Variants in ATF7IP observed in about 807,000 individuals in gnomAD.
The protein encoded by ATF7IP is activating transcription factor 7-interacting protein 1.
Under a neutral mutation model 106.4 loss-of-function variants are expected in ATF7IP, and 23 were observed. The ratio of observed to expected loss-of-function variants is 0.22; its 90% CI spans 0.16 to 0.31. The LOEUF is 0.31. Ranked by LOEUF, ATF7IP falls within the 10% of genes least tolerant of loss-of-function variation. ATF7IP has a pLI of 1.00. For missense variants in ATF7IP, 1,334 were observed against 1,524.3 expected, an observed-to-expected ratio of 0.88 and a Z score of 2.08; for synonymous variants, 542 against 539.0, an observed-to-expected ratio of 1.01 and a Z score of -0.08.
chr12:14,493,321 C>A (rs1249649786), intron 13 of ATF7IP, among the ~76,000 whole-genome samples: 1 of 152,164 alleles, frequency 6.6e-6, no homozygotes, highest in African/African-American at 2.4e-5. Context: ...GTGTAGCATA[C>A]CTCCTTATAG....
intron 5 of ATF7IP, among the ~76,000 whole-genome samples, chr12:14,441,856 T>A (rs1942727406): frequency 6.6e-6 from 1 of 152,138 alleles, no homozygotes; most frequent in Non-Finnish European, 1.5e-5. Context: ...ATTGCAAATA[T>A]TTTCTCCCGT....
At position 14,498,034 on chromosome 12, in the gene ATF7IP, T is replaced by C. The variant is rs1306068098; in HGVS notation, c.3774T>C (p.Pro1258=). 1 of 1,611,976 alleles carries C rather than the reference T, an allele frequency of 6.2e-7. No homozygotes were observed. Among genetic ancestry groups the C allele is most frequent in the East Asian group, 2.2e-5 (1 of 44,814 alleles). Residue 1258 remains proline, a synonymous_variant, in exon 15 of 15, where the codon CCT becomes CCC. Transcript: ENST00000261168. Reference sequence around the variant, plus strand: ...GACGTTTTGGGCCTTTCTGTGATCCTCAGTCAACAGATGTGATCTCTTCTA... The same window carrying C: ...GACGTTTTGGGCCTTTCTGTGATCCCCAGTCAACAGATGTGATCTCTTCTA... ...IYGRFGPFCD[P]QSTDVISSTQ...
In ATF7IP at chr12:14,460,825, A is replaced by G; in HGVS notation, c.2489A>G (p.Lys830Arg). 1 of 1,614,204 alleles carries G rather than the reference A, an allele frequency of 6.2e-7. No individual in the cohort carries two copies. Among genetic ancestry groups the G allele is most frequent in the Non-Finnish European group, 8.5e-7 (1 of 1,180,042 alleles). The stretch of plus-strand genomic sequence containing the variant: ...CCACCTACAGTGAGTGGTCTTACCA[A>G]AAATCCAGTATCCTTGCCATCCTTG... The part of the protein sequence containing the change: ...QSPPTVSGLT[K>R]NPVSLPSLPN... The change falls in exon 9 of 15, where the codon AAA becomes AGA. Residue 830 changes from lysine to arginine, a missense_variant. Coordinates refer to ENST00000261168, the MANE Select transcript of ATF7IP (RefSeq NM_018179.5).
rs1945076072 is a variant in ATF7IP at position 14,498,410 on chromosome 12, C to A, written c.*337C>A. On this transcript the variant is annotated 3_prime_UTR_variant, in exon 15 of 15. Coordinates refer to ENST00000261168, the MANE Select transcript of ATF7IP (RefSeq NM_018179.5). ...CCCATTTTCATTCTCAAATTTACCT[C>A]TTAAAGTACGAAGTAAGTAGATCAA... 2 of 211,858 alleles carry A rather than the reference C, an allele frequency of 9.4e-6. No homozygotes were observed. The highest frequency in any genetic ancestry group is 1.9e-5 in the Non-Finnish European group (2 of 106,180). 13.1% of individuals were successfully genotyped at this position (211,858 alleles called of 1,614,324 possible). A position where few individuals can be genotyped will look rare whatever the true frequency, so the allele number is the denominator to read the frequency against.
rs1044589693 is a variant in ATF7IP, at chr12:14,500,191, T to C, written c.*2118T>C. The C allele has an allele frequency of 6.6e-6, 1 of 152,204 alleles. No homozygotes were observed. Among genetic ancestry groups the C allele is most frequent in the African/African-American group, 2.4e-5 (1 of 41,442 alleles). The allele number at this position is 152,204 out of a possible 1,614,324, so 9.4% of individuals were successfully genotyped here. A position where few individuals can be genotyped will look rare whatever the true frequency, so the allele number is the denominator to read the frequency against. On this transcript the variant is annotated 3_prime_UTR_variant, in exon 15 of 15. Transcript: ENST00000261168. ...ACAGGAGGGAGCTCTTTTACTAATG[T>C]TGTTTTGTTTGCAACTTTGATGGCT...
At chr12:14,481,360 A>G in intron 13 of ATF7IP, 175 bp downstream of exon 13, 1 of 627,254 alleles carries the variant, frequency 1.6e-6, no homozygotes. Context: ...AGTATAGTTA[A>G]AATCAATGTA....
At chr12:14,375,746 A>G (rs755639499) in intron 1 of ATF7IP, among the ~76,000 whole-genome samples, 2 of 152,250 alleles carry the variant, frequency 1.3e-5, no homozygotes, top group Non-Finnish European at 2.9e-5. Flanking sequence ...GATTAGATAT[A>G]TAAAATGCTT....
At position 14,486,447 on chromosome 12, in the gene ATF7IP, G is replaced by T. The variant is rs535264779; in HGVS notation, c.3280+5262G>T. Among the ~76,000 whole-genome samples, 40 of 152,230 alleles carry T rather than the reference G, an allele frequency of 2.6e-4. 1 individual carries two copies. The South Asian group carries it at 7.9e-3, about 30-fold the overall frequency. ...GAATGTAGTGGGGTCTTTCCTCAAG[G>T]GGACGAGGCCTCCCCTTCATTCAAG... is the stretch of plus-strand genomic sequence containing the variant. On this transcript the variant is annotated intron_variant, in intron 13 of 14. Transcript: ENST00000261168.
At position 14,419,131 on chromosome 12, in the gene ATF7IP, A is replaced by G. The variant is rs955451266; in HGVS notation, c.-7-4778A>G. The G allele has an allele frequency of 6.6e-5, 10 of 152,262 alleles. 1 individual carries two copies. The highest frequency in any genetic ancestry group is 5.9e-4 in the Admixed American group (9 of 15,294). 9.4% of individuals were successfully genotyped at this position (152,262 alleles called of 1,614,324 possible). On this transcript the variant is annotated intron_variant, in intron 1 of 14. Transcript: ENST00000261168. ...ACATTCCAAGTGCTTAATGTATAGA[A>G]TCTCATTTAGTTCTCATGGCAACCT...
chr12:14,400,438 A>G (rs1033398847), intron 1 of ATF7IP, among the ~76,000 whole-genome samples: 2 of 142,994 alleles, frequency 1.4e-5, no homozygotes, highest in African/African-American at 5.3e-5. Flanking sequence ...TAAGGAGAAG[A>G]TATATATTTT....
intron 8 of ATF7IP, among the ~76,000 whole-genome samples, chr12:14,458,230 T>C (rs1943506101): frequency 6.6e-6 from 1 of 152,222 alleles, no homozygotes; most frequent in South Asian, 2.1e-4. Context: ...AAGAGCATTA[T>C]TCTCTTACAT....
At chr12:14,374,842 A>G (rs911529895) in intron 1 of ATF7IP, among the ~76,000 whole-genome samples, 4 of 152,106 alleles carry the variant, frequency 2.6e-5, no homozygotes, top group African/African-American at 9.7e-5. Flanking sequence ...GAAATTCTCT[A>G]ATTTTTCTTT....
At position 14,466,609 on chromosome 12, in the gene ATF7IP, C is replaced by G. The variant is rs200237168; in HGVS notation, c.2862+19C>G. On this transcript the variant is annotated intron_variant, in intron 10 of 14. Transcript: ENST00000261168. ...ATCACAGGTAAGATTTTTCCTTCTTCTTCAAAGTAAAATCCTAATTATGGT... is the reference window on the plus strand; with the variant it reads ...ATCACAGGTAAGATTTTTCCTTCTTGTTCAAAGTAAAATCCTAATTATGGT... The G allele has an allele frequency of 1.3e-6, 2 of 1,561,928 alleles. No individual in the cohort carries two copies. The highest frequency in any genetic ancestry group is 1.7e-6 in the Non-Finnish European group (2 of 1,150,526).
In ATF7IP at chr12:14,405,233, T is replaced by C. The variant is rs574240855; in HGVS notation, c.-7-18676T>C. On this transcript the variant is annotated intron_variant, in intron 1 of 14. Coordinates refer to ENST00000261168, the MANE Select transcript of ATF7IP (RefSeq NM_018179.5). ...GTTTAACTGAAGGAAGATGTAGAAT[T>C]ATAAATAGAATTGGCTGGAAAATTT... Among the ~76,000 whole-genome samples the C allele has an allele frequency of 1.6e-4, 25 of 152,164 alleles. 1 individual carries two copies. Among genetic ancestry groups the C allele is most frequent in the Admixed American group, 1.2e-3 (19 of 15,258 alleles).
At chr12:14,479,550 A>G (rs1944367393) in intron 12 of ATF7IP, among the ~76,000 whole-genome samples, 1 of 152,182 alleles carries the variant, frequency 6.6e-6, no homozygotes. Context: ...AAAACACCAG[A>G]TATCTTGTAG....
At chr12:14,420,565 C>G (rs12301284) in intron 1 of ATF7IP, 46,531 of 152,028 alleles carry the variant, frequency 0.31, 8,280 homozygotes, top group Admixed American at 0.45. Flanking sequence ...GGAGGTGGAG[C>G]TTGCGGTGAG....
In ATF7IP at chr12:14,424,470, C is replaced by T. The variant is rs1941728247; in HGVS notation, c.555C>T (p.Ser185=). The change falls in exon 2 of 15, where the codon TCC becomes TCT. Residue 185 remains serine, a synonymous_variant. Transcript: ENST00000261168. ...GTGATGCCCCTTCTGGTGATGTGTC[C>T]CCTGGTGATGCCACCTCTGGTGATG... The part of the protein sequence containing the change: ...TSGDAPSGDV[S]PGDATSGDAT... The T allele has an allele frequency of 1.2e-6, 2 of 1,611,588 alleles. No individual in the cohort carries two copies. Among genetic ancestry groups the T allele is most frequent in the East Asian group, 2.2e-5 (1 of 44,850 alleles).
Position 14,467,894 on chromosome 12 carries a change from T to C in ATF7IP, c.2862+1304T>C, listed in dbSNP as rs536794528. 5.9e-5 allele frequency among the ~76,000 whole-genome samples: 9 copies of C among 152,308 alleles called. No individual in the cohort carries two copies. In the East Asian group the frequency reaches 1.7e-3, roughly 29 times the overall value. ...TACAAATGGCTAGTGGCTAGCATAT[T>C]GGACCACACAGATACAGACTGTTTT... On this transcript the variant is annotated intron_variant, in intron 10 of 14. Coordinates refer to ENST00000261168, the MANE Select transcript of ATF7IP (RefSeq NM_018179.5).
Position 14,502,531 on chromosome 12 carries a change from T to C in ATF7IP, c.*4458T>C, listed in dbSNP as rs992109038. On this transcript the variant is annotated 3_prime_UTR_variant, in exon 15 of 15. Coordinates refer to ENST00000261168, the MANE Select transcript of ATF7IP (RefSeq NM_018179.5). ...TATTATTTTTTTGAGGTCTTTGTTT[T>C]TGTCTGTTTTTGTTTTGTTTTGTTT... 5.3e-5 allele frequency: 8 copies of C among 152,194 alleles called. No individual in the cohort carries two copies. The highest frequency in any genetic ancestry group is 8.8e-5 in the Non-Finnish European group (6 of 68,032). 9.4% of individuals were successfully genotyped at this position (152,194 alleles called of 1,614,324 possible).
Sources: allele counts gnomAD v4.1 joint callset (sites outside exome capture counted in the v4.1 genomes callset), GRCh38; gene constraint gnomAD v4.1.1; transcripts MANE v1.5; gene names NCBI Gene and HGNC (gene_info 2026-07-23, HGNC 2026-07-21).